Variants in INO80 observed in about 807,000 individuals in gnomAD.
INO80 encodes INO80 complex ATPase subunit.
A neutral mutation model predicts 203.4 loss-of-function variants in INO80; 20 were observed. The ratio of observed to expected loss-of-function variants is 0.10; its 90% CI spans 0.07 to 0.14. INO80 has a LOEUF of 0.14. Ranked by LOEUF, INO80 falls within the 10% of genes least tolerant of loss-of-function variation. The pLI, the probability that INO80 is intolerant of heterozygous loss-of-function variation, is 1.00. For missense variants in INO80, 1,419 were observed against 1,914.4 expected (o/e 0.74, Z 4.83); for synonymous variants, 726 against 685.2 (o/e 1.06, Z -0.93).
At chr15:41,012,560 T>TAAAAAAAAAA (rs1203728859) in intron 27 of INO80, among the ~76,000 whole-genome samples, 132 of 5,136 alleles carry the variant, frequency 0.026, 1 homozygote, top group East Asian at 0.21. Flanking sequence ...GAGACTCTTT[T>TAAAAAAAAAA]TAAAAAAAAA....
In INO80 at chr15:40,980,341, A is replaced by G. The variant is rs188933203; in HGVS notation, c.4553T>C (p.Leu1518Ser). The G allele has an allele frequency of 5.7e-5, 92 of 1,613,936 alleles. No individual in the cohort carries two copies. The East Asian group carries it at 2.0e-3, about 36-fold the overall frequency. Residue 1518 changes from leucine to serine, a missense_variant, in exon 36 of 36, where the codon TTG becomes TCG. By Grantham distance (145) the Leu-to-Ser change is moderately radical. Around this residue, in one of 9 missense-constraint regions of INO80, gnomAD observed 112 missense variants for 106.2 expected, o/e 1.05. Coordinates refer to ENST00000648947, the MANE Select transcript of INO80 (RefSeq NM_017553.3). Reference sequence around the variant, plus strand: ...CCCAGGAACATTATTTCCCTTGCTCAAAGGGGAACTCAAAGGAGAAGAGGC... The same window carrying G: ...CCCAGGAACATTATTTCCCTTGCTCGAAGGGGAACTCAAAGGAGAAGAGGC... ...SSASSPLSSPLSKGNNVPGNP... is the reference protein window; with the variant it reads ...SSASSPLSSPSSKGNNVPGNP...
chr15:40,994,913 TG>T (rs2043862104), intron 29 of INO80, among the ~76,000 whole-genome samples: 1 of 152,058 alleles, frequency 6.6e-6, no homozygotes, highest in South Asian at 2.1e-4. Context: ...TGGAGTGCAG[TG>T]GTGCAATCTT....
In INO80 at chr15:41,055,248, C is replaced by T. The variant is rs1482448417; in HGVS notation, c.2187G>A (p.Glu729=). The change falls in exon 18 of 36, where the codon GAG becomes GAA. Residue 729 remains glutamate (E), a splice_region_variant and synonymous_variant. Transcript: ENST00000648947. ...AAGCCAGCTCATAACAGTACTCACT[C>T]TCATCAATAGCAGATTTGTTTTCGG... is the stretch of plus-strand genomic sequence containing the variant. ...SHAENKSAID[E]NQLSRLHMIL... is the part of the protein sequence containing the mutation. 11 of 1,580,934 alleles carry T rather than the reference C, an allele frequency of 7.0e-6. No individual in the cohort carries two copies. The highest frequency in any genetic ancestry group is 9.6e-6 in the Non-Finnish European group (11 of 1,150,894).
In INO80 at chr15:41,096,359, G is replaced by A; in HGVS notation, c.-43-6C>T. ...AAGGACCTCCGACTGCACGGCTGCA[G>A]AACAGAGATAAGAAGTGAAAGATGA... On this transcript the variant is annotated splice_region_variant and splice_polypyrimidine_tract_variant and intron_variant, in intron 1 of 35. Coordinates refer to ENST00000648947, the MANE Select transcript of INO80 (RefSeq NM_017553.3). 6.6e-7 allele frequency: 1 copy of A among 1,506,568 alleles called. No homozygotes were observed. The allele number at this position is 1,506,568 out of a possible 1,614,324, so 93.3% of individuals were successfully genotyped here.
chr15:40,994,929 C>A (rs1005219650), intron 29 of INO80, among the ~76,000 whole-genome samples: 1 of 152,088 alleles, frequency 6.6e-6, no homozygotes, highest in Admixed American at 6.6e-5. Flanking sequence ...AATCTTGGCT[C>A]ACTGCAACCT....
intron 1 of INO80, among the ~76,000 whole-genome samples, chr15:41,112,692 G>A (rs910336464): frequency 7.0e-6 from 1 of 142,762 alleles, no homozygotes; most frequent in African/African-American, 2.6e-5. Context: ...GGAGAATGAA[G>A]CAGGAGAATT....
chr15:40,995,708 TA>T (rs2043872427), intron 29 of INO80, among the ~76,000 whole-genome samples: 1 of 151,868 alleles, frequency 6.6e-6, no homozygotes, highest in African/African-American at 2.4e-5. Flanking sequence ...ACATTGAGAG[TA>T]TGACTATGCT....
At chr15:41,047,558 T>A (rs1204769784) in intron 22 of INO80, 57 bp from the exon 23 acceptor site, 6 of 1,192,972 alleles carry the variant, frequency 5.0e-6, no homozygotes, top group Non-Finnish European at 7.3e-6. Flanking sequence ...GATGCTCAGT[T>A]AAAGCCTGCT....
rs185631841 is a variant in INO80 at position 40,979,671 on chromosome 15, C to T, written c.*552G>A. 6.8e-5 allele frequency: 11 copies of T among 160,768 alleles called. No individual in the cohort carries two copies. Among genetic ancestry groups the T allele is most frequent in the East Asian group, 1.8e-4 (1 of 5,486 alleles). The allele number at this position is 160,768 out of a possible 1,614,324, so 10.0% of individuals were successfully genotyped here. A position where few individuals can be genotyped will look rare whatever the true frequency, so the allele number is the denominator to read the frequency against. Reference sequence around the variant, plus strand: ...TTCCTCTAGCCTCTACCATGCTTAGCGGCCTCCACCATCTCTCGCAGTCAC... The same window carrying T: ...TTCCTCTAGCCTCTACCATGCTTAGTGGCCTCCACCATCTCTCGCAGTCAC... On this transcript the variant is annotated 3_prime_UTR_variant, in exon 36 of 36. Transcript: ENST00000648947.
At chr15:41,097,402 C>T (rs925826896) in intron 1 of INO80, among the ~76,000 whole-genome samples, 2 of 152,152 alleles carry the variant, frequency 1.3e-5, no homozygotes, top group Non-Finnish European at 2.9e-5. Flanking sequence ...TCTCTAAATA[C>T]TTAAAGGGTT....
intron 9 of INO80, among the ~76,000 whole-genome samples, chr15:41,078,925 G>T (rs2140621221): frequency 6.6e-6 from 1 of 152,282 alleles, no homozygotes; most frequent in African/African-American, 2.4e-5. Context: ...CGTATCATCT[G>T]AGCTCAGGAA....
intron 24 of INO80, among the ~76,000 whole-genome samples, chr15:41,043,332 C>T (rs1399754326): frequency 6.6e-6 from 1 of 152,156 alleles, no homozygotes; most frequent in Non-Finnish European, 1.5e-5. Context: ...TTAATCTTTA[C>T]AGAAGATTAA....
chr15:41,003,180 T>C (rs938592442), intron 28 of INO80, among the ~76,000 whole-genome samples: 2 of 151,830 alleles, frequency 1.3e-5, no homozygotes, highest in Non-Finnish European at 2.9e-5. Context: ...TATATGAAAA[T>C]GGTTATGACA....
chr15:41,049,744 G>C (rs2044833272), intron 20 of INO80, among the ~76,000 whole-genome samples, 191 bp downstream of exon 20: 1 of 152,164 alleles, frequency 6.6e-6, no homozygotes, highest in South Asian at 2.1e-4. Context: ...AAATTAGCCA[G>C]GCGTGGTGGC....
In INO80 at chr15:41,047,410, G is replaced by C; in HGVS notation, c.2733C>G (p.Ala911=). 1 of 1,610,904 alleles carries C rather than the reference G, an allele frequency of 6.2e-7. No individual in the cohort carries two copies. Among genetic ancestry groups the C allele is most frequent in the Non-Finnish European group, 8.5e-7 (1 of 1,177,590 alleles). ...MANLMLQGLL[A]RWLALFLSLK... ...CAAGCAATAAGCAAACCTCTCACCT[G>C]GCCAAAAGTCCCTGAAGCATAAGGT... Residue 911 remains alanine (A), a splice_region_variant and synonymous_variant, in exon 23 of 36, where the codon GCC becomes GCG. Coordinates refer to ENST00000648947, the MANE Select transcript of INO80 (RefSeq NM_017553.3).
intron 4 of INO80, among the ~76,000 whole-genome samples, chr15:41,092,516 AC>A (rs1166584443): frequency 1.3e-5 from 2 of 152,214 alleles, no homozygotes; most frequent in Non-Finnish European, 1.5e-5. Context: ...AAAAAAAACA[AC>A]TACCTATAGG....
chr15:41,089,032 T>TA (rs1250987961), intron 5 of INO80, among the ~76,000 whole-genome samples: 2 of 150,360 alleles, frequency 1.3e-5, no homozygotes, highest in East Asian at 2.0e-4. Flanking sequence ...CTACTAAAAA[T>TA]AAAAAAAATT....
intron 31 of INO80, among the ~76,000 whole-genome samples, chr15:40,986,452 G>A (rs1375044979): frequency 6.7e-6 from 1 of 149,660 alleles, no homozygotes; most frequent in Non-Finnish European, 1.5e-5. Context: ...AGCCTCCCGA[G>A]TAGCTGGGAT....
At chr15:41,107,247 G>T (rs1396296361) in intron 1 of INO80, among the ~76,000 whole-genome samples, 4 of 152,208 alleles carry the variant, frequency 2.6e-5, no homozygotes, top group African/African-American at 9.7e-5. Flanking sequence ...CAGAACTTCA[G>T]GAGGCCAAGG....
Sources: allele counts gnomAD v4.1 joint callset (sites outside exome capture counted in the v4.1 genomes callset), GRCh38; gene constraint gnomAD v4.1.1; regional missense constraint gnomAD v4.1.1; transcripts MANE v1.5; gene names NCBI Gene and HGNC (gene_info 2026-07-23, HGNC 2026-07-21).